WDR93: variants seen among roughly 807,000 people sequenced by gnomAD.
WDR93 encodes the protein WD repeat-containing protein 93.
In WDR93, 73 loss-of-function variants were observed where a neutral mutation model predicts 82.9. The ratio of observed to expected loss-of-function variants is 0.88; its 90% CI spans 0.73 to 1.07. The LOEUF is 1.07. Among genes scored for constraint, WDR93 ranks in the 50% least tolerant of loss-of-function variants. The pLI, the probability that WDR93 is intolerant of heterozygous loss-of-function variation, is 0.00. For synonymous variants in WDR93, 283 were observed against 300.1 expected (o/e 0.94, Z 0.59); for missense variants, 738 against 826.0 (o/e 0.89, Z 1.31).
intron 14 of WDR93, among the ~76,000 whole-genome samples, chr15:89,737,121 T>C (rs554722200): frequency 1.6e-4 from 25 of 152,192 alleles, no homozygotes; most frequent in African/African-American, 5.3e-4. Context: ...GGGGAGAGTT[T>C]AGTATGTTCA....
At position 89,722,558 on chromosome 15, in the gene WDR93, A is replaced by G. The variant is rs540659740; in HGVS notation, c.880+419A>G. On this transcript the variant is annotated intron_variant, in intron 8 of 16. Transcript: ENST00000268130. ...AAACACCTCTCCTCTCCTGCACTCT[A>G]GAAGTTGATAGTCTACTAAGGGAGA... Among the ~76,000 whole-genome samples the G allele has an allele frequency of 3.3e-5, 5 of 152,346 alleles. No homozygotes were observed. The South Asian group carries it at 1.0e-3, about 32-fold the overall frequency.
At chr15:89,729,640 T>G in intron 10 of WDR93, 43 bp from the exon 11 acceptor site, 1 of 1,505,604 alleles carries the variant, frequency 6.6e-7, no homozygotes, top group Non-Finnish European at 9.2e-7. Context: ...GATTTCCCCC[T>G]GTGTAACACC....
chr15:89,703,470 G>A (rs1030911893), intron 3 of WDR93: 10 of 359,104 alleles, frequency 2.8e-5, no homozygotes, highest in Non-Finnish European at 5.2e-5. Flanking sequence ...GTATGGCCCT[G>A]GAGTCCACAC....
chr15:89,706,569 A>G (rs918858896), intron 4 of WDR93, among the ~76,000 whole-genome samples: 1 of 152,216 alleles, frequency 6.6e-6, no homozygotes, highest in Non-Finnish European at 1.5e-5. Flanking sequence ...AAAAACAAAT[A>G]TGGAAAAATG....
At chr15:89,740,365 C>G (rs977117821) in intron 16 of WDR93, among the ~76,000 whole-genome samples, 1 of 152,110 alleles carries the variant, frequency 6.6e-6, no homozygotes, top group Non-Finnish European at 1.5e-5. Context: ...TGTGCCTATT[C>G]GTCAGGAGAC....
intron 4 of WDR93, among the ~76,000 whole-genome samples, chr15:89,709,963 A>G (rs1327187823): frequency 2.6e-5 from 4 of 152,098 alleles, no homozygotes; most frequent in African/African-American, 7.2e-5. Context: ...GAACAAGACC[A>G]TCCTGGCTAA....
At chr15:89,737,978 G>C (rs774169720) in intron 15 of WDR93, 63 bp from the exon 16 acceptor site, 1 of 1,522,890 alleles carries the variant, frequency 6.6e-7, no homozygotes, top group Non-Finnish European at 8.9e-7. Flanking sequence ...TGCTCACCTG[G>C]ACCACAGAGC....
intron 7 of WDR93, among the ~76,000 whole-genome samples, chr15:89,718,974 A>G (rs1359713260): frequency 6.6e-6 from 1 of 152,224 alleles, no homozygotes; most frequent in Non-Finnish European, 1.5e-5. Flanking sequence ...TTTATTTTGA[A>G]AAATACAGTT....
chr15:89,698,704 G>A lies in WDR93; in HGVS notation c.-40-3003G>A, dbSNP rs115323881. On this transcript the variant is annotated intron_variant, in intron 1 of 16. Coordinates refer to ENST00000268130, the MANE Select transcript of WDR93 (RefSeq NM_020212.2). Reference sequence around the variant, plus strand: ...CCCTCCTAGTGCTTGTACTATTATTGTCATACATTTTTCTTTACATATGTT... The same window carrying A: ...CCCTCCTAGTGCTTGTACTATTATTATCATACATTTTTCTTTACATATGTT... 7.0e-3 allele frequency among the ~76,000 whole-genome samples: 1,068 copies of A among 151,742 alleles called. 11 individuals carry two copies. Among genetic ancestry groups the A allele is most frequent in the African/African-American group, 0.024 (979 of 41,356 alleles).
chr15:89,694,603 T>C (rs530665800), intron 1 of WDR93, among the ~76,000 whole-genome samples: 1 of 152,350 alleles, frequency 6.6e-6, no homozygotes, highest in South Asian at 2.1e-4. Context: ...CTTTATCAGA[T>C]AAGTGACTTG....
chr15:89,722,138 A>G lies in WDR93; in HGVS notation c.879A>G (p.Thr293=), dbSNP rs1337911192. The change falls in exon 8 of 17, where the codon ACA becomes ACG. Residue 293 remains threonine (T), a splice_region_variant and synonymous_variant. Transcript: ENST00000268130. ...AGATCAAACCACCTAAGCCTGTTAC[A>G]GGTAAGTGTGATTCAAATCTCTCTC... ...IMKIKPPKPV[T]GTTFKSPLEV... The G allele has an allele frequency of 1.9e-6, 3 of 1,592,344 alleles. No individual in the cohort carries two copies. Among genetic ancestry groups the G allele is most frequent in the Admixed American group, 1.8e-5 (1 of 56,004 alleles).
At position 89,702,930 on chromosome 15, in the gene WDR93, T is replaced by C. The variant is rs763530423; in HGVS notation, c.304-20T>C. 2 of 1,611,334 alleles carry C rather than the reference T, an allele frequency of 1.2e-6. No individual in the cohort carries two copies. Among genetic ancestry groups the C allele is most frequent in the Non-Finnish European group, 8.5e-7 (1 of 1,178,920 alleles). ...AAGACAGTGACAACTGAAAATAATA[T>C]TTTTTCTTTGTTTTCCCAGCTCAAC... is the stretch of plus-strand genomic sequence containing the variant. On this transcript the variant is annotated intron_variant, in intron 2 of 16. Coordinates refer to ENST00000268130, the MANE Select transcript of WDR93 (RefSeq NM_020212.2).
At chr15:89,710,903 T>C (rs950068646) in intron 4 of WDR93, among the ~76,000 whole-genome samples, 1 of 152,216 alleles carries the variant, frequency 6.6e-6, no homozygotes, top group Non-Finnish European at 1.5e-5. Flanking sequence ...AAATGGTTGA[T>C]GATGGAAAGA....
intron 7 of WDR93, among the ~76,000 whole-genome samples, chr15:89,719,832 G>T (rs1333720498): frequency 6.8e-6 from 1 of 147,328 alleles, no homozygotes; most frequent in Non-Finnish European, 1.5e-5. Context: ...ATGGAATCTC[G>T]CTCTGTCACC....
At chr15:89,706,721 C>T (rs930336863) in intron 4 of WDR93, among the ~76,000 whole-genome samples, 1 of 151,918 alleles carries the variant, frequency 6.6e-6, no homozygotes, top group Non-Finnish European at 1.5e-5. Context: ...GCAGAGATTT[C>T]TTAGGAAAAT....
intron 1 of WDR93, among the ~76,000 whole-genome samples, chr15:89,691,101 A>G (rs1342749574): frequency 1.3e-5 from 2 of 151,890 alleles, no homozygotes; most frequent in African/African-American, 4.8e-5. Flanking sequence ...GGGCCTAATC[A>G]TTTCCCAGCG....
intron 9 of WDR93, among the ~76,000 whole-genome samples, chr15:89,728,640 G>C (rs889833192): frequency 3.9e-5 from 6 of 152,160 alleles, no homozygotes; most frequent in African/African-American, 9.7e-5. Flanking sequence ...TTTTATTTAA[G>C]AGACCCAGTT....
At chr15:89,710,341 G>C (rs995078460) in intron 4 of WDR93, among the ~76,000 whole-genome samples, 7 of 152,124 alleles carry the variant, frequency 4.6e-5, no homozygotes, top group African/African-American at 1.7e-4. Context: ...CAAAAGAGTA[G>C]GTTCTAATTA....
chr15:89,717,240 G>A (rs901852392), intron 7 of WDR93, among the ~76,000 whole-genome samples: 6 of 151,742 alleles, frequency 4.0e-5, no homozygotes, highest in African/African-American at 1.5e-4. Context: ...TGTATTTTTA[G>A]TAGAGACAGG....
Sources: allele counts gnomAD v4.1 joint callset (sites outside exome capture counted in the v4.1 genomes callset), GRCh38; gene constraint gnomAD v4.1.1; transcripts MANE v1.5; gene names NCBI Gene and HGNC (gene_info 2026-07-23, HGNC 2026-07-21).